The following AKAP13 variants were observed in gnomAD, a reference collection of about 807,000 sequenced individuals.
AKAP13 encodes A-kinase anchoring protein 13.
In AKAP13, 80 loss-of-function variants were observed where a neutral mutation model predicts 264.5. That is an observed-to-expected ratio of 0.30 (90% CI 0.25 to 0.36). The LOEUF is 0.36. Ranked by LOEUF, AKAP13 falls within the 10% of genes least tolerant of loss-of-function variation. AKAP13 has a pLI of 1.00. For missense variants in AKAP13, 3,712 were observed against 3,435.2 expected (o/e 1.08, Z -2.01); for synonymous variants, 1,380 against 1,250.2 (o/e 1.10, Z -2.19).
At chr15:85,396,291 C>T (rs750849633) in intron 1 of AKAP13, among the ~76,000 whole-genome samples, 1 of 152,174 alleles carries the variant, frequency 6.6e-6, no homozygotes, top group Non-Finnish European at 1.5e-5. Context: ...ACGTAGGGCT[C>T]TGTCACTTTC....
chr15:85,726,601 A>G (rs1481469424), intron 27 of AKAP13, 115 bp downstream of exon 27: 1 of 847,286 alleles, frequency 1.2e-6, no homozygotes. Context: ...GCTCAGGACA[A>G]ATTCCTCTGA....
intron 14 of AKAP13, among the ~76,000 whole-genome samples, chr15:85,679,087 A>G (rs966366841): frequency 4.2e-4 from 64 of 152,016 alleles, no homozygotes; most frequent in African/African-American, 1.5e-3. Context: ...AAAAATACAA[A>G]AAAATTAGCC....
chr15:85,629,764 CTTTTTTTTTTTTTTTTTT>C (rs773396099), intron 8 of AKAP13, among the ~76,000 whole-genome samples: 23 of 50,526 alleles, frequency 4.6e-4, no homozygotes, highest in Middle Eastern at 0.031. Flanking sequence ...CCTTTACAGC[CTTTTTTTTTTTTTTTTTT>C]TTTTTTTTTT....
In AKAP13 at chr15:85,736,572, A is replaced by AT. The variant is rs201403560; in HGVS notation, c.7557+444dup. 6.2e-4 allele frequency among the ~76,000 whole-genome samples: 95 copies of AT among 152,138 alleles called. 2 individuals are homozygous for AT. In the East Asian group the frequency reaches 0.018, roughly 28 times the overall value. On this transcript the variant is annotated intron_variant, in intron 33 of 36. Coordinates refer to ENST00000394518, the MANE Select transcript of AKAP13 (RefSeq NM_007200.5). ...GCCACCATGCCCGGCTAACTTTTGT[A>AT]TTTTTTGTAGAGACAGGGCTTTGCC...
intron 2 of AKAP13, among the ~76,000 whole-genome samples, chr15:85,506,419 A>G (rs544633900): frequency 6.6e-6 from 1 of 152,364 alleles, no homozygotes; most frequent in Admixed American, 6.5e-5. Flanking sequence ...ATTGAATAAA[A>G]CAAATATGGT....
chr15:85,412,170 AAC>A (rs2072003665), intron 1 of AKAP13, among the ~76,000 whole-genome samples: 1 of 152,234 alleles, frequency 6.6e-6, no homozygotes, highest in African/African-American at 2.4e-5. Context: ...CTTTTAATGT[AAC>A]AGAGTACAAA....
intron 3 of AKAP13, among the ~76,000 whole-genome samples, chr15:85,525,318 A>G (rs548463717): frequency 2.0e-5 from 3 of 152,270 alleles, no homozygotes; most frequent in South Asian, 2.1e-4. Context: ...TTGGCCTCCC[A>G]AAGTGCTGGG....
At chr15:85,657,216 A>G (rs1460028696) in intron 11 of AKAP13, among the ~76,000 whole-genome samples, 1 of 152,134 alleles carries the variant, frequency 6.6e-6, no homozygotes, top group African/African-American at 2.4e-5. Context: ...TATTTGCTCA[A>G]ATTTCTCAAC....
intron 4 of AKAP13, among the ~76,000 whole-genome samples, chr15:85,538,674 A>G (rs1230814761): frequency 1.3e-5 from 2 of 149,318 alleles, no homozygotes; most frequent in Non-Finnish European, 3.0e-5. Flanking sequence ...TATTTTTAGT[A>G]GAGACGGGGT....
At chr15:85,567,958 G>GTGTGTGTGTGTT (rs1009750890) in intron 5 of AKAP13, among the ~76,000 whole-genome samples, 1 of 145,208 alleles carries the variant, frequency 6.9e-6, no homozygotes, top group African/African-American at 2.8e-5. Flanking sequence ...GTGTGTGTGT[G>GTGTGTGTGTGTT]TGTGTGTGTG....
At chr15:85,470,028 C>T (rs920900014) in intron 1 of AKAP13, among the ~76,000 whole-genome samples, 9 of 152,180 alleles carry the variant, frequency 5.9e-5, no homozygotes, top group African/African-American at 9.7e-5. Context: ...TGGCTCACGC[C>T]GGTAATCCCA....
chr15:85,648,153 A>C (rs1047406833), intron 10 of AKAP13, among the ~76,000 whole-genome samples: 9 of 152,274 alleles, frequency 5.9e-5, no homozygotes, highest in Admixed American at 2.0e-4. Flanking sequence ...AAACATACTG[A>C]GATAAACAGA....
At chr15:85,486,758 G>A (rs112341555) in intron 2 of AKAP13, among the ~76,000 whole-genome samples, 11,974 of 45,982 alleles carry the variant, frequency 0.26, 760 homozygotes, top group Middle Eastern at 0.35. Context: ...TTTTTTTTTT[G>A]GATGGAGTCT....
chr15:85,463,402 C>A (rs2074599461), intron 1 of AKAP13, among the ~76,000 whole-genome samples: 1 of 152,130 alleles, frequency 6.6e-6, no homozygotes, highest in African/African-American at 2.4e-5. Flanking sequence ...TTTCTTCTCC[C>A]CAATGATCTG....
chr15:85,580,381 A>G lies in AKAP13; in HGVS notation c.2313A>G (p.Lys771=), dbSNP rs143504807. The part of the protein sequence containing the change: ...HPHPVVPKME[K]ELVPDQAVIS... ...ATCCAGTTGTCCCTAAAATGGAGAAAGAACTGGTGCCAGACCAGGCAGTAA... is the reference window on the plus strand; with the variant it reads ...ATCCAGTTGTCCCTAAAATGGAGAAGGAACTGGTGCCAGACCAGGCAGTAA... The change falls in exon 7 of 37, where the codon AAA becomes AAG. Residue 771 remains lysine, a synonymous_variant. Coordinates refer to ENST00000394518, the MANE Select transcript of AKAP13 (RefSeq NM_007200.5). 88 of 1,614,238 alleles carry G rather than the reference A, an allele frequency of 5.5e-5. No individual in the cohort carries two copies. The African/African-American group carries it at 9.9e-4, about 18-fold the overall frequency.
intron 12 of AKAP13, chr15:85,662,374 G>A: frequency 1.9e-6 from 3 of 1,613,830 alleles, no homozygotes; most frequent in Non-Finnish European, 2.5e-6. Context: ...TTCTGTCTTT[G>A]ATGTCATCCC....
At chr15:85,504,501 TACAAAAAAAAAAAA>T (rs1395739875) in intron 2 of AKAP13, among the ~76,000 whole-genome samples, 344 of 28,674 alleles carry the variant, frequency 0.012, 1 homozygote, top group Middle Eastern at 0.083. Flanking sequence ...ACCCTGTCTT[TACAAAAAAAAAAAA>T]AAAAAAAAAA....
chr15:85,608,942 C>T (rs918724786), intron 8 of AKAP13, among the ~76,000 whole-genome samples: 3 of 152,106 alleles, frequency 2.0e-5, no homozygotes, highest in African/African-American at 7.2e-5. Flanking sequence ...CCTATTGCCC[C>T]TGAATAGAGT....
chr15:85,381,849 T>C (rs1731882189), intron 1 of AKAP13: 1 of 152,204 alleles, frequency 6.6e-6, no homozygotes, highest in South Asian at 2.1e-4. Context: ...ACAAGTGTTT[T>C]ATTTTTAGAA....
Sources: allele counts gnomAD v4.1 joint callset (sites outside exome capture counted in the v4.1 genomes callset), GRCh38; gene constraint gnomAD v4.1.1; transcripts MANE v1.5; gene names NCBI Gene and HGNC (gene_info 2026-07-23, HGNC 2026-07-21).